The following SLC24A2 variants were observed in gnomAD, a reference collection of about 807,000 sequenced individuals.
The protein encoded by SLC24A2 is solute carrier family 24 member 2, also known as sodium/potassium/calcium exchanger 2.
SLC24A2 carries 36 observed loss-of-function variants against 62.0 expected under a neutral mutation model. The ratio of observed to expected loss-of-function variants is 0.58; its 90% CI spans 0.44 to 0.77. SLC24A2 has a LOEUF of 0.77. Ranked by LOEUF, SLC24A2 falls within the 30% of genes least tolerant of loss-of-function variation. SLC24A2 has a pLI of 0.00. For synonymous variants in SLC24A2, 358 were observed against 294.0 expected (o/e 1.22, Z -2.23); for missense variants, 846 against 817.9 (o/e 1.03, Z -0.42).
the SLC24A2 span, among the ~76,000 whole-genome samples, chr9:20,175,869 A>G: frequency 3.3e-5 from 5 of 152,046 alleles, no homozygotes; most frequent in South Asian, 1.0e-3. Flanking sequence ...GGAAGGATGG[A>G]GGGATGAATT....
chr9:19,714,268 A>C lies in SLC24A2; in HGVS notation c.930+71669T>G, dbSNP rs543523264. 7.9e-5 allele frequency among the ~76,000 whole-genome samples: 12 copies of C among 152,240 alleles called. 1 individual carries two copies. The highest frequency in any genetic ancestry group is 2.9e-4 in the African/African-American group (12 of 41,538). ...AAGGGTGGGTGCAAGTCTCAGAATT[A>C]GGACCCCAAAGGTGGCCCTACAAGT... On this transcript the variant is annotated intron_variant, in intron 2 of 10. Coordinates refer to ENST00000341998, the MANE Select transcript of SLC24A2 (RefSeq NM_020344.4).
chr9:19,576,027 T>C (rs961084985), intron 6 of SLC24A2, among the ~76,000 whole-genome samples: 2 of 152,242 alleles, frequency 1.3e-5, no homozygotes, highest in African/African-American at 4.8e-5. Context: ...ACATTTTAGC[T>C]GACTTCTTTC....
rs187068418 is a variant in SLC24A2, at chr9:19,588,717, T to C, written c.1129+8512A>G. ...GGCTCATGCCTGTAATCCTAGCACA[T>C]TGGGAGGCTGAGTCAGGTGGATCAC... On this transcript the variant is annotated intron_variant, in intron 5 of 10. Coordinates refer to ENST00000341998, the MANE Select transcript of SLC24A2 (RefSeq NM_020344.4). Among the ~76,000 whole-genome samples, 447 of 152,220 alleles carry C rather than the reference T, an allele frequency of 2.9e-3. 4 individuals are homozygous for C. Among genetic ancestry groups the C allele is most frequent in the African/African-American group, 0.01 (433 of 41,532 alleles).
At chr9:19,906,474 G>T in the SLC24A2 span, among the ~76,000 whole-genome samples, 4 of 151,670 alleles carry the variant, frequency 2.6e-5, no homozygotes, top group African/African-American at 4.8e-5. Flanking sequence ...AAATAACTAA[G>T]ATCAGAGCAG....
At chr9:19,644,728 T>C (rs987116949) in intron 2 of SLC24A2, among the ~76,000 whole-genome samples, 5 of 149,850 alleles carry the variant, frequency 3.3e-5, no homozygotes, top group African/African-American at 1.0e-4. Context: ...AACAAGTTCA[T>C]GTTTTTTTTT....
chr9:19,931,511 ACAT>A, the SLC24A2 span, among the ~76,000 whole-genome samples: 20 of 152,348 alleles, frequency 1.3e-4, no homozygotes, highest in Non-Finnish European at 1.5e-5. Flanking sequence ...AAGTATACAA[ACAT>A]CATACTGACA....
chr9:20,034,947 G>A, the SLC24A2 span, among the ~76,000 whole-genome samples: 1 of 152,126 alleles, frequency 6.6e-6, no homozygotes, highest in Non-Finnish European at 1.5e-5. Flanking sequence ...CTATAGGAAT[G>A]TCACAAATGG....
At chr9:19,868,856 T>C in the SLC24A2 span, among the ~76,000 whole-genome samples, 1 of 152,168 alleles carries the variant, frequency 6.6e-6, no homozygotes, top group Admixed American at 6.5e-5. Context: ...CCTATTTGCT[T>C]TTTTTAATGA....
chr9:20,305,135 A>C, the SLC24A2 span, among the ~76,000 whole-genome samples: 184 of 135,710 alleles, frequency 1.4e-3, no homozygotes, highest in African/African-American at 4.9e-3. Flanking sequence ...TTTGAGATGG[A>C]GTCTTGCTCT....
the SLC24A2 span, among the ~76,000 whole-genome samples, chr9:19,802,632 A>G: frequency 6.6e-6 from 1 of 152,356 alleles, no homozygotes; most frequent in Admixed American, 6.5e-5. Context: ...ATCATTTATT[A>G]AAAACCATCA....
the SLC24A2 span, among the ~76,000 whole-genome samples, chr9:19,903,730 G>T: frequency 6.6e-6 from 1 of 152,102 alleles, no homozygotes; most frequent in East Asian, 1.9e-4. Context: ...TGGAGTAAGC[G>T]TTAAGTCTGA....
chr9:19,846,109 A>G, the SLC24A2 span, among the ~76,000 whole-genome samples: 1 of 152,078 alleles, frequency 6.6e-6, no homozygotes, highest in African/African-American at 2.4e-5. Flanking sequence ...ATTAGGTCCA[A>G]TTGGTCAAGT....
At chr9:19,802,406 C>T in the SLC24A2 span, among the ~76,000 whole-genome samples, 1 of 152,124 alleles carries the variant, frequency 6.6e-6, no homozygotes, top group East Asian at 1.9e-4. Flanking sequence ...ATACTGAATA[C>T]AAATACCCAG....
chr9:19,886,154 A>G, the SLC24A2 span, among the ~76,000 whole-genome samples: 1 of 152,188 alleles, frequency 6.6e-6, no homozygotes, highest in African/African-American at 2.4e-5. Context: ...TCTGTTTTAA[A>G]TTATTTGAGA....
intron 2 of SLC24A2, among the ~76,000 whole-genome samples, chr9:19,687,324 T>C (rs910953024): frequency 2.0e-5 from 3 of 152,098 alleles, no homozygotes; most frequent in Admixed American, 6.6e-5. Flanking sequence ...GTTTGGGGTA[T>C]GTAATGTATA....
At chr9:19,674,648 C>T (rs969383126) in intron 2 of SLC24A2, among the ~76,000 whole-genome samples, 3 of 152,162 alleles carry the variant, frequency 2.0e-5, no homozygotes, top group Non-Finnish European at 4.4e-5. Flanking sequence ...TTGTTCGACT[C>T]TACTGCTGAG....
chr9:19,594,528 T>G (rs1836650159), intron 5 of SLC24A2, among the ~76,000 whole-genome samples: 1 of 152,164 alleles, frequency 6.6e-6, no homozygotes, highest in Non-Finnish European at 1.5e-5. Context: ...CAGGCTTCAT[T>G]GCAAGTCATG....
the SLC24A2 span, among the ~76,000 whole-genome samples, chr9:19,971,086 C>T: frequency 6.6e-5 from 10 of 152,274 alleles, no homozygotes; most frequent in African/African-American, 2.4e-4. Context: ...TGGGTTTCCA[C>T]TTGTTCTTGT....
At chr9:19,978,304 C>T in the SLC24A2 span, among the ~76,000 whole-genome samples, 2 of 152,188 alleles carry the variant, frequency 1.3e-5, no homozygotes, top group African/African-American at 2.4e-5. Flanking sequence ...CCACTTTTAT[C>T]AGTTCCTCAA....
Sources: allele counts gnomAD v4.1 joint callset (sites outside exome capture counted in the v4.1 genomes callset), GRCh38; gene constraint gnomAD v4.1.1; transcripts MANE v1.5; gene names NCBI Gene and HGNC (gene_info 2026-07-23, HGNC 2026-07-21).